The following CDKAL1 variants were observed in gnomAD, a reference collection of about 807,000 sequenced individuals.
CDKAL1 encodes the protein CDKAL1 threonylcarbamoyladenosine tRNA methylthiotransferase, also known as threonylcarbamoyladenosine tRNA methylthiotransferase.
In CDKAL1, 32 loss-of-function variants were observed where a neutral mutation model predicts 68.2. That is an observed-to-expected ratio of 0.47 (90% CI 0.35 to 0.63). The LOEUF (loss-of-function observed/expected upper bound fraction) is 0.63. Ranked by LOEUF, CDKAL1 falls within the 30% of genes least tolerant of loss-of-function variation. The pLI is 0.00. For synonymous variants in CDKAL1, 234 were observed against 244.3 expected, an observed-to-expected ratio of 0.96 and a Z score of 0.39; for missense variants, 606 against 696.7, an observed-to-expected ratio of 0.87 and a Z score of 1.47.
At chr6:20,599,218 T>C (rs1765975391) in intron 4 of CDKAL1, among the ~76,000 whole-genome samples, 1 of 152,136 alleles carries the variant, frequency 6.6e-6, no homozygotes, top group Non-Finnish European at 1.5e-5. Context: ...ATTATAAGTT[T>C]TTTCTTTTAT....
intron 9 of CDKAL1, among the ~76,000 whole-genome samples, chr6:20,870,203 T>A (rs560261540): frequency 6.6e-6 from 1 of 152,330 alleles, no homozygotes; most frequent in South Asian, 2.1e-4. Flanking sequence ...GCCACAAAGA[T>A]GTGGAGAGCT....
At chr6:20,875,976 A>C (rs541966052) in intron 9 of CDKAL1, among the ~76,000 whole-genome samples, 33 of 152,240 alleles carry the variant, frequency 2.2e-4, no homozygotes, top group Non-Finnish European at 3.8e-4. Context: ...TTAACAGATA[A>C]ACATTAATTT....
chr6:20,757,934 A>C (rs542541804), intron 6 of CDKAL1, among the ~76,000 whole-genome samples: 2 of 152,064 alleles, frequency 1.3e-5, no homozygotes, highest in African/African-American at 2.4e-5. Context: ...GGGTTTCTCC[A>C]ATCATAATCC....
intron 7 of CDKAL1, among the ~76,000 whole-genome samples, chr6:20,764,408 A>G (rs1040204171): frequency 2.0e-5 from 3 of 152,148 alleles, no homozygotes; most frequent in Non-Finnish European, 2.9e-5. Context: ...ATAATTTGCA[A>G]GTTTCACCGA....
chr6:20,706,728 T>G (rs1000353217), intron 5 of CDKAL1, among the ~76,000 whole-genome samples: 1 of 152,198 alleles, frequency 6.6e-6, no homozygotes, highest in Non-Finnish European at 1.5e-5. Context: ...CACCTGCTGC[T>G]CTCTTTATGA....
chr6:20,654,051 T>A (rs943149465), intron 5 of CDKAL1, among the ~76,000 whole-genome samples: 2 of 152,060 alleles, frequency 1.3e-5, no homozygotes, highest in African/African-American at 4.8e-5. Context: ...CTAGTCAGTT[T>A]TTTGTATTTT....
chr6:21,113,913 C>G (rs942780905), intron 13 of CDKAL1, among the ~76,000 whole-genome samples: 1 of 151,774 alleles, frequency 6.6e-6, no homozygotes, highest in African/African-American at 2.4e-5. Flanking sequence ...GCTCTCCAGC[C>G]TGGGCAACAG....
intron 4 of CDKAL1, chr6:20,558,675 G>A (rs1764154640): frequency 2.3e-6 from 1 of 443,892 alleles, no homozygotes; most frequent in Admixed American, 2.4e-5. Flanking sequence ...ATGTTGTTGA[G>A]GAAAATAGAT....
chr6:20,946,175 A>G (rs1473557352), intron 9 of CDKAL1, among the ~76,000 whole-genome samples: 2 of 152,146 alleles, frequency 1.3e-5, no homozygotes, highest in Non-Finnish European at 2.9e-5. Context: ...CCTTATAACA[A>G]CTTCCATTAA....
At chr6:20,609,319 C>T (rs943760737) in intron 4 of CDKAL1, among the ~76,000 whole-genome samples, 1 of 148,746 alleles carries the variant, frequency 6.7e-6, no homozygotes, top group Non-Finnish European at 1.5e-5. Context: ...CCTCCCCCCT[C>T]CTCTCTCCCT....
intron 4 of CDKAL1, among the ~76,000 whole-genome samples, chr6:20,597,639 T>C (rs559139335): frequency 6.6e-6 from 1 of 152,062 alleles, no homozygotes; most frequent in South Asian, 2.1e-4. Flanking sequence ...GGTCTCAAAC[T>C]CCTGGCCTCA....
intron 13 of CDKAL1, among the ~76,000 whole-genome samples, chr6:21,112,031 G>C (rs922889645): frequency 6.6e-6 from 1 of 151,942 alleles, no homozygotes; most frequent in Admixed American, 6.5e-5. Context: ...TACAGGGCCA[G>C]AGAGCTTCCA....
chr6:20,928,295 G>A (rs960982967), intron 9 of CDKAL1, among the ~76,000 whole-genome samples: 1 of 152,186 alleles, frequency 6.6e-6, no homozygotes, highest in African/African-American at 2.4e-5. Context: ...TTCTTCATGG[G>A]ATGTGAAGAA....
At chr6:21,021,393 C>T (rs1343798195) in intron 11 of CDKAL1, among the ~76,000 whole-genome samples, 2 of 151,662 alleles carry the variant, frequency 1.3e-5, no homozygotes, top group African/African-American at 4.8e-5. Flanking sequence ...AACCACAATA[C>T]AGAACACAAT....
intron 13 of CDKAL1, among the ~76,000 whole-genome samples, chr6:21,144,466 A>T (rs190651484): frequency 6.6e-4 from 101 of 152,228 alleles, no homozygotes; most frequent in African/African-American, 2.3e-3. Context: ...GTGACATTTT[A>T]TACTGAATCA....
chr6:21,151,657 C>T (rs1400041842), intron 13 of CDKAL1, among the ~76,000 whole-genome samples: 1 of 152,164 alleles, frequency 6.6e-6, no homozygotes, highest in South Asian at 2.1e-4. Flanking sequence ...ATAAAGTTCT[C>T]ATTATGGAAC....
chr6:21,225,112 G>A (rs193149649), intron 15 of CDKAL1, among the ~76,000 whole-genome samples: 2 of 152,296 alleles, frequency 1.3e-5, no homozygotes, highest in East Asian at 3.9e-4. Context: ...TGATGCAGGA[G>A]CCAGGATCCA....
chr6:21,161,209 A>C (rs765310972), intron 13 of CDKAL1, among the ~76,000 whole-genome samples: 3 of 151,970 alleles, frequency 2.0e-5, no homozygotes, highest in Non-Finnish European at 4.4e-5. Context: ...TTCCTTATGT[A>C]CTTGACAAGG....
At chr6:21,201,911 C>G (rs1387144056) in intron 15 of CDKAL1, among the ~76,000 whole-genome samples, 1 of 151,590 alleles carries the variant, frequency 6.6e-6, no homozygotes, top group South Asian at 2.1e-4. Context: ...TATCACATTT[C>G]TAAGCATCAT....
Sources: allele counts gnomAD v4.1 joint callset (sites outside exome capture counted in the v4.1 genomes callset), GRCh38; gene constraint gnomAD v4.1.1; transcripts MANE v1.5; gene names NCBI Gene and HGNC (gene_info 2026-07-23, HGNC 2026-07-21).